Variants in CXCL14 observed in about 807,000 individuals in gnomAD.
CXCL14 encodes the protein C-X-C motif chemokine ligand 14.
In CXCL14, 9 loss-of-function variants were observed where a neutral mutation model predicts 16.1. The observed-to-expected ratio is 0.56, with a 90% CI of 0.34 to 0.97. The LOEUF (loss-of-function observed/expected upper bound fraction) is 0.97. CXCL14 is among the 50% of genes least tolerant of loss of function. The probability of loss-of-function intolerance (pLI) is 0.02; values close to 1 mark genes in which losing one functional copy is unlikely to be tolerated. For synonymous variants in CXCL14, 55 were observed against 52.8 expected (o/e 1.04, Z -0.18); for missense variants, 111 against 132.5 (o/e 0.84, Z 0.80).
Position 135,578,493 on chromosome 5 carries a change from G to C in CXCL14, c.111C>G (p.Ser37Arg). Residue 37 changes from serine to arginine, a missense_variant, in exon 2 of 4, where the codon AGC (serine) becomes AGG (arginine). Ser to Arg is a moderately radical substitution (Grantham distance 110, BLOSUM62 -1). Coordinates refer to ENST00000512158, the MANE Select transcript of CXCL14 (RefSeq NM_004887.5). ...GCTTCATTTCCAGCTTCTTCACGTC[G>C]CTGTAGCGGATCTTGGGTCCCTTCC... is the stretch of plus-strand genomic sequence containing the variant. ...CSRKGPKIRY[S>R]DVKKLEMKPK... 6.2e-7 allele frequency: 1 copy of C among 1,614,234 alleles called. No homozygotes were observed.
At chr5:135,574,518 T>C in intron 3 of CXCL14, 54 bp downstream of exon 3, 2 of 1,481,712 alleles carry the variant, frequency 1.3e-6, no homozygotes, top group Non-Finnish European at 1.9e-6. Flanking sequence ...CTTCCCATCC[T>C]GAGAGCCACA....
chr5:135,576,731 T>TCC (rs1580694562), intron 2 of CXCL14, among the ~76,000 whole-genome samples: 1 of 151,188 alleles, frequency 6.6e-6, no homozygotes, highest in Non-Finnish European at 1.5e-5. Flanking sequence ...AGCGGACCTC[T>TCC]CCCCCCGCCC....
At chr5:135,573,264 G>C (rs116153006) in intron 3 of CXCL14, among the ~76,000 whole-genome samples, 1,535 of 152,324 alleles carry the variant, frequency 0.01, 27 homozygotes, top group African/African-American at 0.035. Context: ...GCGCAGTTCT[G>C]GCCTTTGCCA....
Position 135,578,926 on chromosome 5 carries a change from G to T in CXCL14, c.-148C>A. On this transcript the variant is annotated 5_prime_UTR_variant, in exon 1 of 4. Transcript: ENST00000512158. ...CTCTGCTGGCTCCGGCTGCGCCGTCGGTGGATGCCCAGGGCTGTCTGTGGC... is the reference window on the plus strand; with the variant it reads ...CTCTGCTGGCTCCGGCTGCGCCGTCTGTGGATGCCCAGGGCTGTCTGTGGC... 1 of 828,466 alleles carries T rather than the reference G, an allele frequency of 1.2e-6. No individual in the cohort carries two copies. Among genetic ancestry groups the T allele is most frequent in the Non-Finnish European group, 1.8e-6 (1 of 568,248 alleles). The allele number at this position is 828,466 out of a possible 1,614,324, so 51.3% of individuals were successfully genotyped here.
chr5:135,572,037 G>A (rs1007854415), intron 3 of CXCL14, among the ~76,000 whole-genome samples, 169 bp from the exon 4 acceptor site: 7 of 152,036 alleles, frequency 4.6e-5, no homozygotes, highest in African/African-American at 1.4e-4. Context: ...ATGTGGTCCC[G>A]GGGACCATGA....
chr5:135,577,256 CA>C (rs1751116516), intron 2 of CXCL14, among the ~76,000 whole-genome samples: 1 of 152,170 alleles, frequency 6.6e-6, no homozygotes, highest in South Asian at 2.1e-4. Flanking sequence ...TCTTAGCCCC[CA>C]AACTGGAAGC....
At chr5:135,573,715 T>C (rs1040994516) in intron 3 of CXCL14, among the ~76,000 whole-genome samples, 10 of 140,722 alleles carry the variant, frequency 7.1e-5, no homozygotes, top group Non-Finnish European at 1.1e-4. Context: ...CATGCGTGTG[T>C]GTGTGTGTGT....
intron 2 of CXCL14, 31 bp downstream of exon 2, chr5:135,578,403 C>T: frequency 6.4e-7 from 1 of 1,572,140 alleles, no homozygotes; most frequent in South Asian, 1.1e-5. Flanking sequence ...CAGCAGTGCG[C>T]ACCCCCTCAA....
At position 135,571,681 on chromosome 5, in the gene CXCL14, T is replaced by G. The variant is rs1260452771; in HGVS notation, c.*172A>C. On this transcript the variant is annotated 3_prime_UTR_variant, in exon 4 of 4. Coordinates refer to ENST00000512158, the MANE Select transcript of CXCL14 (RefSeq NM_004887.5). Reference sequence around the variant, plus strand: ...AGCTATAAAATGTAAAAACTGACCGTTGGTAAAAAGTGCTTCATAACAATA... The same window carrying G: ...AGCTATAAAATGTAAAAACTGACCGGTGGTAAAAAGTGCTTCATAACAATA... 1 of 624,820 alleles carries G rather than the reference T, an allele frequency of 1.6e-6. No homozygotes were observed. 38.7% of individuals were successfully genotyped at this position (624,820 alleles called of 1,614,324 possible).
In CXCL14 at chr5:135,574,581, TCG is replaced by T. The variant is rs1374094883; in HGVS notation, c.273_274del (p.Asn91LysfsTer11). On this transcript the variant is annotated frameshift_variant, in exon 3 of 4. Transcript: ENST00000512158. LOFTEE classifies it high-confidence loss of function. Reference sequence around the variant, plus strand: ...TAGAGGCGGGGCGTACCTGCGCTTCTCGTTCCAGGCGTTGTACCACTTGATGA... The same window carrying T: ...TAGAGGCGGGGCGTACCTGCGCTTCTTTCCAGGCGTTGTACCACTTGATGA... 1.2e-6 allele frequency: 2 copies of T among 1,612,486 alleles called. No individual in the cohort carries two copies. The highest frequency in any genetic ancestry group is 1.7e-6 in the Non-Finnish European group (2 of 1,179,774).
intron 2 of CXCL14, among the ~76,000 whole-genome samples, chr5:135,577,682 C>T (rs942573036): frequency 4.6e-5 from 7 of 152,322 alleles, no homozygotes; most frequent in African/African-American, 4.8e-5. Flanking sequence ...CCTTCCTGGC[C>T]AAGAGCATAT....
At chr5:135,572,580 C>T (rs1751044417) in intron 3 of CXCL14, among the ~76,000 whole-genome samples, 1 of 152,220 alleles carries the variant, frequency 6.6e-6, no homozygotes, top group Non-Finnish European at 1.5e-5. Context: ...TCTAGTTCTG[C>T]CCCATGGCTG....
At chr5:135,575,298 A>AGTAAGACC (rs1751082234) in intron 2 of CXCL14, among the ~76,000 whole-genome samples, 1 of 152,072 alleles carries the variant, frequency 6.6e-6, no homozygotes, top group African/African-American at 2.4e-5. Flanking sequence ...TAAGCAGAAG[A>AGTAAGACC]GTAAGACCTC....
intron 2 of CXCL14, among the ~76,000 whole-genome samples, chr5:135,576,334 G>A (rs1331750922): frequency 1.3e-5 from 2 of 152,234 alleles, no homozygotes; most frequent in Non-Finnish European, 2.9e-5. Flanking sequence ...CTACAAGGCT[G>A]CTTTAGCATT....
rs1160254323 is a variant in CXCL14, at chr5:135,571,103, C to T, written c.*750G>A. 6.6e-6 allele frequency: 1 copy of T among 152,198 alleles called. No individual in the cohort carries two copies. The highest frequency in any genetic ancestry group is 1.9e-4 in the East Asian group (1 of 5,204). The allele number at this position is 152,198 out of a possible 1,614,324, so 9.4% of individuals were successfully genotyped here. ...ACAGTGTTGGGAACCTCACATGCTTCTGAAGCATTAAATATTGAACCTGTG... is the reference window on the plus strand; with the variant it reads ...ACAGTGTTGGGAACCTCACATGCTTTTGAAGCATTAAATATTGAACCTGTG... On this transcript the variant is annotated 3_prime_UTR_variant, in exon 4 of 4. Transcript: ENST00000512158.
chr5:135,576,060 T>G (rs1256155724), intron 2 of CXCL14, among the ~76,000 whole-genome samples: 1 of 152,228 alleles, frequency 6.6e-6, no homozygotes, highest in Non-Finnish European at 1.5e-5. Context: ...GGGGGCATAA[T>G]GTTCCTAGGC....
Position 135,578,965 on chromosome 5 carries a change from C to A in CXCL14, c.-187G>T. The A allele has an allele frequency of 1.7e-6, 1 of 589,360 alleles. No individual in the cohort carries two copies. Among genetic ancestry groups the A allele is most frequent in the Non-Finnish European group, 2.8e-6 (1 of 360,334 alleles). 36.5% of individuals were successfully genotyped at this position (589,360 alleles called of 1,614,324 possible). ...GCTGTCTGTGGCCGTGCGCTGCGCT[C>A]TGCGCTTGTCTCCGCGCTCTCTCCA... On this transcript the variant is annotated 5_prime_UTR_variant, in exon 1 of 4. Transcript: ENST00000512158.
In CXCL14 at chr5:135,578,774, C is replaced by T; in HGVS notation, c.5G>A (p.Arg2Lys). 1 of 1,542,898 alleles carries T rather than the reference C, an allele frequency of 6.5e-7. No homozygotes were observed. The highest frequency in any genetic ancestry group is 8.7e-7 in the Non-Finnish European group (1 of 1,145,048). Residue 2 changes from arginine (R) to lysine (K), a missense_variant, in exon 1 of 4, where the codon AGG (arginine) becomes AAG (lysine). Arg to Lys is a conservative substitution (Grantham distance 26, BLOSUM62 2). Transcript: ENST00000512158. ...CAGGAGCAGCGCGGCCGCCAGGAGC[C>T]TCATGCTGACCGGAGGGGCGCGGCG... The part of the protein sequence containing the change: M[R>K]LLAAALLLLL...
chr5:135,578,919 C>T lies in CXCL14; in HGVS notation c.-141G>A, dbSNP rs1446189513. On this transcript the variant is annotated 5_prime_UTR_variant, in exon 1 of 4. Coordinates refer to ENST00000512158, the MANE Select transcript of CXCL14 (RefSeq NM_004887.5). ...CTTCCGGCTCTGCTGGCTCCGGCTGCGCCGTCGGTGGATGCCCAGGGCTGT... is the reference window on the plus strand; with the variant it reads ...CTTCCGGCTCTGCTGGCTCCGGCTGTGCCGTCGGTGGATGCCCAGGGCTGT... 1.3e-5 allele frequency: 12 copies of T among 916,346 alleles called. No individual in the cohort carries two copies. Among genetic ancestry groups the T allele is most frequent in the Non-Finnish European group, 1.5e-5 (10 of 649,370 alleles). 56.8% of individuals were successfully genotyped at this position (916,346 alleles called of 1,614,324 possible). A position where few individuals can be genotyped will look rare whatever the true frequency, so the allele number is the denominator to read the frequency against.
Sources: gnomAD v4.1 joint callset for allele counts (sites outside exome capture counted in the v4.1 genomes callset) on GRCh38, gnomAD v4.1.1 for gene constraint, MANE v1.5 for transcripts, NCBI Gene and HGNC (gene_info 2026-07-23, HGNC 2026-07-21) for gene names.